Variants in DCDC1 observed in about 807,000 individuals in gnomAD.
The protein encoded by DCDC1 is doublecortin domain containing 1, also known as doublecortin domain-containing protein 1.
A neutral mutation model predicts 178.3 loss-of-function variants in DCDC1; 200 were observed. The ratio of observed to expected loss-of-function variants is 1.12; its 90% CI spans 1.00 to 1.26. DCDC1 has a LOEUF of 1.26. Ranked by LOEUF, DCDC1 falls within the 50% of genes most tolerant of loss-of-function variation. The pLI is 0.00. For missense variants in DCDC1, 1,983 were observed against 1,749.2 expected (o/e 1.13, Z -2.38); for synonymous variants, 690 against 604.8 (o/e 1.14, Z -2.07).
chr11:31,345,439 C>T (rs1444914421), intron 1 of DCDC1, among the ~76,000 whole-genome samples: 1 of 152,128 alleles, frequency 6.6e-6, no homozygotes, highest in African/African-American at 2.4e-5. Context: ...GAAACTCTAT[C>T]TCCATCACCT....
At chr11:31,085,770 C>T (rs1957435613) in intron 17 of DCDC1, among the ~76,000 whole-genome samples, 1 of 152,108 alleles carries the variant, frequency 6.6e-6, no homozygotes, top group Non-Finnish European at 1.5e-5. Flanking sequence ...TGCAGTGGTG[C>T]AATCACGGCT....
At chr11:31,093,943 C>T (rs541118809) in intron 16 of DCDC1, 107 bp downstream of exon 16, 28 of 675,924 alleles carry the variant, frequency 4.1e-5, no homozygotes, top group African/African-American at 7.1e-5. Context: ...CAATTTATCA[C>T]GCTTTCACTT....
chr11:31,097,434 C>T (rs1253335038), intron 15 of DCDC1, among the ~76,000 whole-genome samples: 1 of 152,146 alleles, frequency 6.6e-6, no homozygotes, highest in Admixed American at 6.5e-5. Flanking sequence ...TTTGATAATG[C>T]ATTTAGGGTC....
intron 21 of DCDC1, among the ~76,000 whole-genome samples, chr11:30,934,225 C>T (rs1036825454): frequency 2.6e-5 from 4 of 152,058 alleles, no homozygotes; most frequent in African/African-American, 7.2e-5. Flanking sequence ...ATTAGGCGAC[C>T]CCCTAGGGAC....
chr11:31,222,377 A>G (rs1974373282), intron 9 of DCDC1, among the ~76,000 whole-genome samples: 1 of 152,096 alleles, frequency 6.6e-6, no homozygotes, highest in Non-Finnish European at 1.5e-5. Context: ...CTAGTTTCTA[A>G]TAACATCTTG....
intron 11 of DCDC1, among the ~76,000 whole-genome samples, chr11:31,123,256 G>T (rs1961070889): frequency 6.6e-6 from 1 of 152,002 alleles, no homozygotes; most frequent in African/African-American, 2.4e-5. Context: ...AACTTAGGAA[G>T]AAATGCACGG....
chr11:31,011,181 A>G (rs1008757451), intron 20 of DCDC1, among the ~76,000 whole-genome samples: 3 of 152,156 alleles, frequency 2.0e-5, no homozygotes, highest in Admixed American at 2.0e-4. Flanking sequence ...AAAAATCTCT[A>G]TCCCGTTATC....
chr11:31,358,295 G>A (rs1252537062), intron 1 of DCDC1, among the ~76,000 whole-genome samples: 1 of 152,040 alleles, frequency 6.6e-6, no homozygotes, highest in Non-Finnish European at 1.5e-5. Context: ...ATATCTACAA[G>A]TATCTGATCT....
intron 7 of DCDC1, among the ~76,000 whole-genome samples, chr11:31,269,550 T>C (rs1159065575): frequency 6.6e-6 from 1 of 151,968 alleles, no homozygotes; most frequent in Non-Finnish European, 1.5e-5. Context: ...GACACCCAGC[T>C]AATTTTTTAA....
At chr11:31,160,417 G>A (rs1389891725) in intron 9 of DCDC1, among the ~76,000 whole-genome samples, 1 of 151,974 alleles carries the variant, frequency 6.6e-6, no homozygotes, top group African/African-American at 2.4e-5. Flanking sequence ...AATGTTACAT[G>A]CTTCAGCAGT....
chr11:31,142,859 T>C (rs1222455024), intron 9 of DCDC1, among the ~76,000 whole-genome samples: 1 of 152,082 alleles, frequency 6.6e-6, no homozygotes, highest in African/African-American at 2.4e-5. Context: ...TCTTTTAGCC[T>C]CTAAAATTTT....
chr11:31,178,671 C>T (rs1420713337), intron 9 of DCDC1, among the ~76,000 whole-genome samples: 2 of 152,220 alleles, frequency 1.3e-5, no homozygotes, highest in African/African-American at 4.8e-5. Context: ...AACAACTCAA[C>T]AATAAAAAAC....
chr11:30,931,461 A>G (rs1326913026), intron 22 of DCDC1, among the ~76,000 whole-genome samples: 1 of 152,134 alleles, frequency 6.6e-6, no homozygotes, highest in African/African-American at 2.4e-5. Flanking sequence ...TTCAAGACAC[A>G]TTTATAAAAC....
chr11:31,158,257 C>T (rs1343807634), intron 9 of DCDC1, among the ~76,000 whole-genome samples: 2 of 151,948 alleles, frequency 1.3e-5, no homozygotes, highest in African/African-American at 2.4e-5. Flanking sequence ...TACAGGCACC[C>T]GCCATCACGC....
chr11:31,046,242 A>G (rs997749377), intron 20 of DCDC1, among the ~76,000 whole-genome samples: 2 of 152,208 alleles, frequency 1.3e-5, no homozygotes, highest in Admixed American at 1.3e-4. Flanking sequence ...TCCATTCAGC[A>G]GAATTTCACT....
At chr11:31,074,648 T>C (rs1956761872) in intron 18 of DCDC1, among the ~76,000 whole-genome samples, 1 of 152,180 alleles carries the variant, frequency 6.6e-6, no homozygotes, top group South Asian at 2.1e-4. Context: ...ATTTCTATTG[T>C]TTATAAATGA....
chr11:31,280,920 T>C (rs1452733972), intron 7 of DCDC1: 2 of 639,880 alleles, frequency 3.1e-6, no homozygotes, highest in East Asian at 3.6e-5. Context: ...TTGCCTCCCT[T>C]TTCCACGGTG....
chr11:30,975,602 C>G (rs1325189139), intron 20 of DCDC1, among the ~76,000 whole-genome samples: 1 of 151,912 alleles, frequency 6.6e-6, no homozygotes, highest in East Asian at 1.9e-4. Context: ...AATCGAGGCT[C>G]ATTTATAATA....
At chr11:31,050,099 C>T (rs866957305) in intron 20 of DCDC1, among the ~76,000 whole-genome samples, 21 of 152,122 alleles carry the variant, frequency 1.4e-4, no homozygotes, top group African/African-American at 2.9e-4. Flanking sequence ...AGGCAGATAG[C>T]CTCAGGCAAA....
Sources: gnomAD v4.1 joint callset for allele counts (sites outside exome capture counted in the v4.1 genomes callset) on GRCh38, gnomAD v4.1.1 for gene constraint, MANE v1.5 for transcripts, NCBI Gene and HGNC (gene_info 2026-07-23, HGNC 2026-07-21) for gene names.